Variants in CD247 observed in about 807,000 individuals in gnomAD.
CD247 encodes the protein T-cell surface glycoprotein CD3 zeta chain.
In CD247, 13 loss-of-function variants were observed where a neutral mutation model predicts 30.0. The observed-to-expected ratio is 0.43, with a 90% CI of 0.28 to 0.69. The LOEUF is 0.69. CD247 is among the 30% of genes least tolerant of loss of function. The probability of loss-of-function intolerance (pLI) is 0.16; values close to 1 mark genes in which losing one functional copy is unlikely to be tolerated. For synonymous variants in CD247, 72 were observed against 80.0 expected, an observed-to-expected ratio of 0.90 and a Z score of 0.53; for missense variants, 193 against 212.6, an observed-to-expected ratio of 0.91 and a Z score of 0.57.
chr1:167,500,982 A>C (rs1462827021), intron 1 of CD247, among the ~76,000 whole-genome samples: 1 of 151,422 alleles, frequency 6.6e-6, no homozygotes, highest in East Asian at 1.9e-4. Flanking sequence ...TCAAACAGAG[A>C]TGGAAAACTG....
chr1:167,438,606 C>T lies in CD247; in HGVS notation c.264G>A (p.Lys88=). 1 of 1,614,158 alleles carries T rather than the reference C, an allele frequency of 6.2e-7. No homozygotes were observed. Among genetic ancestry groups the T allele is most frequent in the Non-Finnish European group, 8.5e-7 (1 of 1,179,998 alleles). Residue 88 remains lysine (K), a synonymous_variant, in exon 4 of 8, where the codon AAG becomes AAA. Transcript: ENST00000362089. ...GRREEYDVLD[K]RRGRDPEMGG... is the part of the protein sequence containing the mutation. ...CCATCTCAGGGTCCCGGCCACGTCT[C>T]TTGTCCAAAACATCGTACTCCTCTC...
At chr1:167,433,232 C>T (rs1217714317) in intron 6 of CD247, among the ~76,000 whole-genome samples, 173 bp from the exon 7 acceptor site, 1 of 152,210 alleles carries the variant, frequency 6.6e-6, no homozygotes, top group Non-Finnish European at 1.5e-5. Flanking sequence ...AGACCTTCAT[C>T]TCTGCAGAGT....
chr1:167,503,321 C>T (rs989424397), intron 1 of CD247, among the ~76,000 whole-genome samples: 24 of 152,192 alleles, frequency 1.6e-4, no homozygotes, highest in African/African-American at 5.3e-4. Context: ...TCCCAGGATG[C>T]TTTCCTTTAA....
chr1:167,465,528 A>C (rs112566172), intron 1 of CD247, among the ~76,000 whole-genome samples: 5,487 of 151,762 alleles, frequency 0.036, 334 homozygotes, highest in African/African-American at 0.13. Context: ...ACGGGGTTTC[A>C]CCATGTTGGC....
At chr1:167,440,914 C>A in intron 1 of CD247, 147 bp from the exon 2 acceptor site, 1 of 680,320 alleles carries the variant, frequency 1.5e-6, no homozygotes, top group Non-Finnish European at 2.7e-6. Context: ...TGATCACAAC[C>A]CTCTCCCTCC....
chr1:167,463,236 C>T (rs563820618), intron 1 of CD247, among the ~76,000 whole-genome samples: 2 of 152,318 alleles, frequency 1.3e-5, no homozygotes, highest in South Asian at 4.1e-4. Flanking sequence ...GCAATGTGAC[C>T]TATGGCCTGG....
chr1:167,461,106 C>T (rs985464263), intron 1 of CD247, among the ~76,000 whole-genome samples: 4 of 152,230 alleles, frequency 2.6e-5, no homozygotes, highest in East Asian at 1.9e-4. Context: ...GGGACGTGGG[C>T]GATCGTGGGC....
rs139649034 is a variant in CD247 at position 167,506,936 on chromosome 1, G to A, written c.58+11472C>T. Among the ~76,000 whole-genome samples, 540 of 120,700 alleles carry A rather than the reference G, an allele frequency of 4.5e-3. 10 individuals are homozygous for A. The highest frequency in any genetic ancestry group is 0.016 in the African/African-American group (500 of 30,734). 79.2% of individuals were successfully genotyped at this position (120,700 alleles called of 152,430 possible). A position where few individuals can be genotyped will look rare whatever the true frequency, so the allele number is the denominator to read the frequency against. On this transcript the variant is annotated intron_variant, in intron 1 of 7. Transcript: ENST00000362089. ...TTTTGAGATGGAGTCTTGCTCTGTC[G>A]CCCAGGCTGGAGTGCAATGGTGTGA... is the stretch of plus-strand genomic sequence containing the variant.
At chr1:167,490,517 G>A (rs1195051717) in intron 1 of CD247, among the ~76,000 whole-genome samples, 9 of 152,160 alleles carry the variant, frequency 5.9e-5, no homozygotes, top group Non-Finnish European at 1.2e-4. Flanking sequence ...CAGCTACTCC[G>A]GAGGCTGAGG....
intron 4 of CD247, among the ~76,000 whole-genome samples, chr1:167,437,067 G>A (rs1651579026): frequency 6.6e-6 from 1 of 152,114 alleles, no homozygotes; most frequent in Non-Finnish European, 1.5e-5. Context: ...CCACGGCTGG[G>A]CGCGGGGGCT....
chr1:167,473,747 C>T (rs924273193), intron 1 of CD247, among the ~76,000 whole-genome samples: 2 of 152,142 alleles, frequency 1.3e-5, no homozygotes, highest in African/African-American at 4.8e-5. Flanking sequence ...GACTGGAGAC[C>T]CCCCAGACTT....
intron 1 of CD247, among the ~76,000 whole-genome samples, chr1:167,465,463 G>A (rs1438864514): frequency 1.3e-5 from 2 of 151,816 alleles, no homozygotes; most frequent in Non-Finnish European, 2.9e-5. Context: ...CGAGTAGCTG[G>A]ATTACAGGCT....
chr1:167,435,503 C>A, intron 4 of CD247, 69 bp from the exon 5 acceptor site: 7 of 1,223,848 alleles, frequency 5.7e-6, no homozygotes, highest in Middle Eastern at 2.2e-4. Flanking sequence ...GTACAGCAAA[C>A]CCCATCCTGC....
intron 1 of CD247, among the ~76,000 whole-genome samples, chr1:167,476,347 C>T (rs917340010): frequency 6.6e-6 from 1 of 152,162 alleles, no homozygotes; most frequent in Non-Finnish European, 1.5e-5. Flanking sequence ...ATAGAATGAG[C>T]CTTTCAGAGA....
At chr1:167,449,080 T>C (rs1652223666) in intron 1 of CD247, among the ~76,000 whole-genome samples, 1 of 152,054 alleles carries the variant, frequency 6.6e-6, no homozygotes, top group African/African-American at 2.4e-5. Context: ...CAAATGTTTC[T>C]CTTCTTGTAT....
chr1:167,449,852 C>T lies in CD247; in HGVS notation c.59-9085G>A, dbSNP rs575627887. On this transcript the variant is annotated intron_variant, in intron 1 of 7. Transcript: ENST00000362089. ...GCAGGAGAATCACTTGAACTTGGGACGTGGAGGCTGCAGTGAGCCAAGATT... is the reference window on the plus strand; with the variant it reads ...GCAGGAGAATCACTTGAACTTGGGATGTGGAGGCTGCAGTGAGCCAAGATT... Among the ~76,000 whole-genome samples the T allele has an allele frequency of 3.2e-3, 492 of 151,738 alleles. 4 individuals are homozygous for T. Among genetic ancestry groups the T allele is most frequent in the Non-Finnish European group, 5.5e-3 (371 of 67,944 alleles).
At chr1:167,498,673 G>A (rs961330612) in intron 1 of CD247, among the ~76,000 whole-genome samples, 1 of 152,174 alleles carries the variant, frequency 6.6e-6, no homozygotes, top group Admixed American at 6.5e-5. Flanking sequence ...ATAAAGAAGA[G>A]GACAGTTTCA....
chr1:167,489,338 G>A (rs897544774), intron 1 of CD247, among the ~76,000 whole-genome samples: 5 of 152,188 alleles, frequency 3.3e-5, no homozygotes, highest in African/African-American at 1.2e-4. Context: ...AGGATGAAAT[G>A]TTATTGAGGG....
chr1:167,433,964 C>T (rs866150338), intron 6 of CD247, 56 bp downstream of exon 6: 7 of 1,428,974 alleles, frequency 4.9e-6, no homozygotes, highest in South Asian at 1.1e-5. Flanking sequence ...CTGCAGCAGG[C>T]GTGTCTGGAG....
Sources: allele counts gnomAD v4.1 joint callset (sites outside exome capture counted in the v4.1 genomes callset), GRCh38; gene constraint gnomAD v4.1.1; transcripts MANE v1.5; gene names NCBI Gene and HGNC (gene_info 2026-07-23, HGNC 2026-07-21).